Variants in GATAD2B observed in about 807,000 individuals in gnomAD.
GATAD2B encodes GATA zinc finger domain containing 2B, also known as transcriptional repressor p66-beta.
A neutral mutation model predicts 64.3 loss-of-function variants in GATAD2B; 8 were observed. That is an observed-to-expected ratio of 0.12 (90% CI 0.07 to 0.22). The LOEUF (loss-of-function observed/expected upper bound fraction) is 0.22. Among genes scored for constraint, GATAD2B ranks in the 10% least tolerant of loss-of-function variants. The probability of loss-of-function intolerance (pLI) is 1.00; values close to 1 mark genes in which losing one functional copy is unlikely to be tolerated. For synonymous variants in GATAD2B, 281 were observed against 271.3 expected (o/e 1.04, Z -0.35); for missense variants, 453 against 752.0 (o/e 0.60, Z 4.65).
Position 153,816,335 on chromosome 1 carries a change from T to C in GATAD2B, c.1154A>G (p.Asn385Ser), listed in dbSNP as rs1057519401. 4.3e-6 allele frequency: 7 copies of C among 1,613,944 alleles called. No individual in the cohort carries two copies. Among genetic ancestry groups the C allele is most frequent in the Non-Finnish European group, 4.2e-6 (5 of 1,179,790 alleles). ...GCCTACCATGTAGATGAACTCGCTATTGGCTGCACTAGGCAAGAAATGAAG... is the reference window on the plus strand; with the variant it reads ...GCCTACCATGTAGATGAACTCGCTACTGGCTGCACTAGGCAAGAAATGAAG... ...PLLHFLPSAA[N>S]SEFIYMVGLE... The change falls in exon 7 of 11, where the codon AAT becomes AGT. Residue 385 changes from asparagine to serine, a missense_variant. Asn to Ser is a conservative substitution (Grantham distance 46, BLOSUM62 1). This residue lies in a region of GATAD2B where 160 missense variants were observed against 334.7 expected (regional missense o/e 0.48). Transcript: ENST00000368655. This position sits in a 1 kb window ranked among gnomAD's most constrained non-coding sequence, Gnocchi z 4.9.
chr1:153,902,912 C>A (rs1405092457), intron 1 of GATAD2B, among the ~76,000 whole-genome samples: 1 of 152,160 alleles, frequency 6.6e-6, no homozygotes, highest in Non-Finnish European at 1.5e-5. Flanking sequence ...CAGTTTCCCA[C>A]AACCAGCAGA....
At chr1:153,871,892 G>C (rs997164944) in intron 1 of GATAD2B, among the ~76,000 whole-genome samples, 3 of 152,228 alleles carry the variant, frequency 2.0e-5, no homozygotes, top group Non-Finnish European at 2.9e-5. Context: ...CAAGGCTGCA[G>C]TGAGCTGAGA....
intron 1 of GATAD2B, among the ~76,000 whole-genome samples, chr1:153,829,495 T>C (rs940526911): frequency 6.6e-6 from 1 of 152,118 alleles, no homozygotes; most frequent in African/African-American, 2.4e-5. Flanking sequence ...CCCAGCATTT[T>C]GGGAGGCCGA....
chr1:153,856,549 A>G (rs1676086415), intron 1 of GATAD2B, among the ~76,000 whole-genome samples: 1 of 152,210 alleles, frequency 6.6e-6, no homozygotes, highest in African/African-American at 2.4e-5. Context: ...TTTAAAAACT[A>G]AAAACATTTA....
chr1:153,902,245 C>CT (rs1677801772), intron 1 of GATAD2B, among the ~76,000 whole-genome samples: 1 of 151,802 alleles, frequency 6.6e-6, no homozygotes, highest in Non-Finnish European at 1.5e-5. Context: ...TGCGCCACTG[C>CT]GCTCCAGCCT....
chr1:153,817,626 G>C (rs1024717157), intron 5 of GATAD2B, 84 bp from the exon 6 acceptor site: 5 of 892,980 alleles, frequency 5.6e-6, no homozygotes, highest in Admixed American at 6.9e-5. Flanking sequence ...GGAAAACACT[G>C]CCTATAATAC....
intron 1 of GATAD2B, among the ~76,000 whole-genome samples, chr1:153,880,331 G>A (rs1676972033): frequency 1.3e-5 from 2 of 151,998 alleles, no homozygotes; most frequent in Non-Finnish European, 2.9e-5. Flanking sequence ...GCCGGGTGTG[G>A]TGGTGGGCAC....
chr1:153,909,815 GCA>G (rs1375201809), intron 1 of GATAD2B, among the ~76,000 whole-genome samples: 1 of 151,742 alleles, frequency 6.6e-6, no homozygotes, highest in Non-Finnish European at 1.5e-5. Context: ...GGGTGTGGTG[GCA>G]CACACCTGTA....
chr1:153,905,136 G>C (rs940405410), intron 1 of GATAD2B, among the ~76,000 whole-genome samples: 1 of 152,174 alleles, frequency 6.6e-6, no homozygotes, highest in Non-Finnish European at 1.5e-5. Context: ...ATGAGCCACT[G>C]CACCTGGCCA....
At chr1:153,812,885 C>T (rs560851236) in intron 8 of GATAD2B, among the ~76,000 whole-genome samples, 2 of 152,182 alleles carry the variant, frequency 1.3e-5, no homozygotes, top group East Asian at 1.9e-4. Context: ...CTCTTTCTTT[C>T]GTCATTTCTT....
chr1:153,919,660 A>G (rs34665499), intron 1 of GATAD2B, among the ~76,000 whole-genome samples: 25,133 of 152,030 alleles, frequency 0.17, 2,515 homozygotes, highest in East Asian at 0.49. Flanking sequence ...ACTTCCTTAT[A>G]TATCTTTTCC....
Position 153,816,560 on chromosome 1 carries a change from C to A in GATAD2B, c.929G>T (p.Arg310Leu). Residue 310 changes from arginine to leucine, a missense_variant, in exon 7 of 11, where the codon CGT becomes CTT. Physicochemically the swap from Arg to Leu is moderately radical, Grantham distance 102 (BLOSUM62 -2). Transcript: ENST00000368655. This position sits in a 1 kb window ranked among gnomAD's most constrained non-coding sequence, Gnocchi z 4.9. ...CATATAGATGGCAGAGGATGTTGTA[C>A]GCTGACATGGAACAGAAGAACTTGA... is the stretch of plus-strand genomic sequence containing the variant. ...PQSSSSVPCQRTTSSAIYMNL... is the reference protein window; with the variant it reads ...PQSSSSVPCQLTTSSAIYMNL... 6.2e-7 allele frequency: 1 copy of A among 1,612,874 alleles called. No individual in the cohort carries two copies.
chr1:153,852,388 C>A (rs879002222), intron 1 of GATAD2B: 1 of 813,952 alleles, frequency 1.2e-6, no homozygotes, highest in Non-Finnish European at 2.2e-6. Context: ...CTTGGCCTGA[C>A]CTTGGATGTT....
intron 1 of GATAD2B, among the ~76,000 whole-genome samples, chr1:153,916,821 AT>A (rs990659859): frequency 1.8e-4 from 28 of 151,960 alleles, no homozygotes; most frequent in African/African-American, 6.5e-4. Context: ...TTATTTATTT[AT>A]TTTTGAGAGA....
Position 153,828,162 on chromosome 1 carries a change from C to A in GATAD2B, c.186G>T (p.Glu62Asp). 6.2e-7 allele frequency: 1 copy of A among 1,614,180 alleles called. No individual in the cohort carries two copies. Residue 62 changes from glutamate to aspartate, a missense_variant, in exon 2 of 11, where the codon GAG (glutamate) becomes GAT (aspartate). By Grantham distance (45) the Glu-to-Asp change is conservative. Transcript: ENST00000368655. ...KDLANLEVPHELPTKQDGSGV... is the reference protein window; with the variant it reads ...KDLANLEVPHDLPTKQDGSGV... ...CACTGCCATCCTGTTTGGTGGGTAA[C>A]TCATGTGGCACCTCAAGATTTGCCA...
intron 2 of GATAD2B, 28 bp downstream of exon 2, chr1:153,827,984 TC>T (rs1437071064): frequency 6.5e-7 from 1 of 1,543,174 alleles, no homozygotes; most frequent in Non-Finnish European, 8.9e-7. Context: ...GACGACCCTA[TC>T]CCTGGAGGCA....
chr1:153,902,123 A>G (rs1677798383), intron 1 of GATAD2B, among the ~76,000 whole-genome samples: 1 of 152,038 alleles, frequency 6.6e-6, no homozygotes. Context: ...TCTACTAAAC[A>G]TACAAAATTA....
intron 1 of GATAD2B, among the ~76,000 whole-genome samples, chr1:153,897,703 A>G (rs1677637811): frequency 6.6e-6 from 1 of 152,208 alleles, no homozygotes; most frequent in African/African-American, 2.4e-5. Context: ...TATCAACTAT[A>G]TTGTAATGGA....
At chr1:153,876,280 G>T (rs1676832720) in intron 1 of GATAD2B, among the ~76,000 whole-genome samples, 1 of 136,062 alleles carries the variant, frequency 7.3e-6, no homozygotes, top group South Asian at 2.4e-4. Flanking sequence ...GTCCTTAAAT[G>T]GCTGGGCGTG....
Sources: allele counts gnomAD v4.1 joint callset (sites outside exome capture counted in the v4.1 genomes callset), GRCh38; gene constraint gnomAD v4.1.1; regional missense constraint gnomAD v4.1.1; non-coding constraint Gnocchi (gnomAD v3.1); transcripts MANE v1.5; gene names NCBI Gene and HGNC (gene_info 2026-07-23, HGNC 2026-07-21).